AUTS2: variants seen among roughly 807,000 people sequenced by gnomAD.
The protein encoded by AUTS2 is autism susceptibility gene 2 protein.
A neutral mutation model predicts 112.4 loss-of-function variants in AUTS2; 17 were observed. The ratio of observed to expected loss-of-function variants is 0.15; its 90% CI spans 0.10 to 0.23. The LOEUF is 0.23. AUTS2 is among the 10% of genes least tolerant of loss of function. The pLI, the probability that AUTS2 is intolerant of heterozygous loss-of-function variation, is 1.00. For synonymous variants in AUTS2, 751 were observed against 702.7 expected (o/e 1.07, Z -1.09); for missense variants, 1,510 against 1,701.6 (o/e 0.89, Z 1.98).
rs574885244 is a variant in AUTS2, at chr7:70,793,127, C to G, written c.*2131C>G. On this transcript the variant is annotated 3_prime_UTR_variant, in exon 19 of 19. Coordinates refer to ENST00000342771, the MANE Select transcript of AUTS2 (RefSeq NM_015570.4). The stretch of plus-strand genomic sequence containing the variant: ...GGGGTTCTGTTAGTTTTTCGTATGT[C>G]CAAGATACTGTAAAAGGTACTTCTG... 4.7e-5 allele frequency: 7 copies of G among 150,116 alleles called. No homozygotes were observed. The highest frequency in any genetic ancestry group is 1.0e-4 in the Non-Finnish European group (7 of 67,660). 9.3% of individuals were successfully genotyped at this position (150,116 alleles called of 1,614,324 possible). A position where few individuals can be genotyped will look rare whatever the true frequency, so the allele number is the denominator to read the frequency against.
intron 5 of AUTS2, among the ~76,000 whole-genome samples, chr7:70,628,695 A>G (rs935275800): frequency 3.3e-5 from 5 of 152,094 alleles, no homozygotes; most frequent in Non-Finnish European, 7.4e-5. Flanking sequence ...GGAGGTTGAG[A>G]CTGGAGCAGG....
chr7:70,229,288 G>A (rs915432294), intron 4 of AUTS2, among the ~76,000 whole-genome samples: 1 of 151,906 alleles, frequency 6.6e-6, no homozygotes, highest in Non-Finnish European at 1.5e-5. Context: ...TCTTTAATAG[G>A]GGATTTCTTA....
At chr7:70,581,008 G>A (rs1218238198) in intron 5 of AUTS2, among the ~76,000 whole-genome samples, 2 of 152,116 alleles carry the variant, frequency 1.3e-5, no homozygotes, top group African/African-American at 2.4e-5. Context: ...ACTTTGGGAG[G>A]CCAAGACAGG....
chr7:70,418,086 T>C (rs1442153955), intron 4 of AUTS2, among the ~76,000 whole-genome samples: 1 of 143,798 alleles, frequency 7.0e-6, no homozygotes, highest in Non-Finnish European at 1.5e-5. Flanking sequence ...TGTGTGTGTG[T>C]GTGTGTGTGT....
chr7:69,739,623 G>A (rs746075975), intron 1 of AUTS2, among the ~76,000 whole-genome samples: 2 of 152,110 alleles, frequency 1.3e-5, no homozygotes, highest in African/African-American at 2.4e-5. Context: ...TTCTTTAGGT[G>A]TTTAAAGGGC....
intron 1 of AUTS2, among the ~76,000 whole-genome samples, chr7:69,842,441 A>G (rs1422017861): frequency 6.6e-6 from 1 of 152,146 alleles, no homozygotes; most frequent in African/African-American, 2.4e-5. Context: ...GAGCCTTAAG[A>G]TGATTTGTTT....
At chr7:70,710,255 T>C (rs1350517987) in intron 6 of AUTS2, among the ~76,000 whole-genome samples, 1 of 151,542 alleles carries the variant, frequency 6.6e-6, no homozygotes, top group Non-Finnish European at 1.5e-5. Context: ...AGGGGCGAGA[T>C]ACCAGAGAAA....
chr7:70,319,161 C>CA (rs1156255618), intron 4 of AUTS2, among the ~76,000 whole-genome samples: 3 of 151,568 alleles, frequency 2.0e-5, no homozygotes, highest in South Asian at 2.1e-4. Flanking sequence ...TAATAAAGTG[C>CA]AAAAAAAATG....
chr7:70,438,071 T>G (rs1220468484), intron 5 of AUTS2, among the ~76,000 whole-genome samples: 13 of 152,052 alleles, frequency 8.5e-5, no homozygotes, highest in Admixed American at 8.5e-4. Context: ...TGGGTCTTGA[T>G]GATCACCTAA....
intron 5 of AUTS2, among the ~76,000 whole-genome samples, chr7:70,515,370 G>A (rs1349278696): frequency 6.6e-6 from 1 of 151,842 alleles, no homozygotes. Flanking sequence ...GTGACTCCTA[G>A]GAGGATTTCC....
intron 2 of AUTS2, among the ~76,000 whole-genome samples, chr7:69,966,081 C>G (rs754354757): frequency 1.3e-5 from 2 of 152,168 alleles, no homozygotes; most frequent in Non-Finnish European, 2.9e-5. Flanking sequence ...TGCTGCTTAG[C>G]TCAATGATAA....
At chr7:70,425,849 T>C (rs1389573998) in intron 4 of AUTS2, among the ~76,000 whole-genome samples, 2 of 151,508 alleles carry the variant, frequency 1.3e-5, no homozygotes, top group Non-Finnish European at 3.0e-5. Flanking sequence ...GATGAATAGA[T>C]GGATGGATGG....
At chr7:70,526,658 ACT>A (rs1799851236) in intron 5 of AUTS2, among the ~76,000 whole-genome samples, 1 of 152,032 alleles carries the variant, frequency 6.6e-6, no homozygotes, top group Middle Eastern at 3.4e-3. Context: ...TGACAGCAAG[ACT>A]CTGTGTCAAA....
intron 1 of AUTS2, among the ~76,000 whole-genome samples, chr7:69,631,406 T>C (rs1794238633): frequency 6.6e-6 from 1 of 152,222 alleles, no homozygotes; most frequent in South Asian, 2.1e-4. Flanking sequence ...AAAAATAGTT[T>C]AACATCTGGG....
chr7:69,912,818 A>T lies in AUTS2; in HGVS notation c.522+13320A>T, dbSNP rs575915399. Among the ~76,000 whole-genome samples, 11 of 152,338 alleles carry T rather than the reference A, an allele frequency of 7.2e-5. No individual in the cohort carries two copies. In the East Asian group the frequency reaches 1.9e-3, roughly 27 times the overall value. ...CACTTAGATCTGCTCTCAGAGTCACAAAATGCCTTTGCTTCCTGTTTCCTT... is the reference window on the plus strand; with the variant it reads ...CACTTAGATCTGCTCTCAGAGTCACTAAATGCCTTTGCTTCCTGTTTCCTT... On this transcript the variant is annotated intron_variant, in intron 2 of 18. Coordinates refer to ENST00000342771, the MANE Select transcript of AUTS2 (RefSeq NM_015570.4).
At chr7:70,002,389 T>A (rs914732569) in intron 2 of AUTS2, among the ~76,000 whole-genome samples, 8 of 152,174 alleles carry the variant, frequency 5.3e-5, no homozygotes, top group African/African-American at 1.9e-4. Context: ...TAGAGATGAC[T>A]TTCTAAGATT....
chr7:69,893,376 CATT>C (rs1191180777), intron 1 of AUTS2, among the ~76,000 whole-genome samples: 5 of 152,110 alleles, frequency 3.3e-5, no homozygotes, highest in Admixed American at 2.0e-4. Context: ...ACTGGAGACT[CATT>C]ATTGGTAGAA....
At chr7:70,530,113 G>A (rs766176636) in intron 5 of AUTS2, among the ~76,000 whole-genome samples, 27 of 152,174 alleles carry the variant, frequency 1.8e-4, no homozygotes, top group Non-Finnish European at 3.4e-4. Flanking sequence ...CATCTGTAGT[G>A]AGGCAGCATC....
intron 1 of AUTS2, among the ~76,000 whole-genome samples, chr7:69,860,145 C>G (rs1347986722): frequency 1.3e-5 from 2 of 151,880 alleles, no homozygotes; most frequent in African/African-American, 2.4e-5. Flanking sequence ...TTTGAGGACC[C>G]TTGACCCTAA....
Sources: allele counts gnomAD v4.1 joint callset (sites outside exome capture counted in the v4.1 genomes callset), GRCh38; gene constraint gnomAD v4.1.1; transcripts MANE v1.5; gene names NCBI Gene and HGNC (gene_info 2026-07-23, HGNC 2026-07-21).